Variants in ZNF831 observed in about 807,000 individuals in gnomAD.
ZNF831 encodes chromosome 20 open reading frame 174.
ZNF831 carries 59 observed loss-of-function variants against 95.8 expected under a neutral mutation model. The ratio of observed to expected loss-of-function variants is 0.62; its 90% CI spans 0.50 to 0.77. The LOEUF is 0.77. Ranked by LOEUF, ZNF831 falls within the 30% of genes least tolerant of loss-of-function variation. The pLI is 0.00. For synonymous variants in ZNF831, 961 were observed against 925.5 expected (o/e 1.04, Z -0.70); for missense variants, 2,205 against 2,164.0 (o/e 1.02, Z -0.38).
chr20:59,170,951 A>G (rs1054369074), intron 1 of ZNF831, among the ~76,000 whole-genome samples: 1 of 152,242 alleles, frequency 6.6e-6, no homozygotes, highest in Non-Finnish European at 1.5e-5. Flanking sequence ...GTCTGGCACT[A>G]GTGGGACAGA....
chr20:59,210,638 C>T lies in ZNF831; in HGVS notation c.4027+3582C>T, dbSNP rs554597340. 2.8e-4 allele frequency among the ~76,000 whole-genome samples: 43 copies of T among 152,296 alleles called. 1 individual carries two copies. The South Asian group carries it at 8.5e-3, about 30-fold the overall frequency. On this transcript the variant is annotated intron_variant, in intron 4 of 5. Transcript: ENST00000371030. ...TGAGCAGAGAGCCCAGAATGAAAAGCCCTTTCACCCCTTCTTCCCTTCAGC... is the reference window on the plus strand; with the variant it reads ...TGAGCAGAGAGCCCAGAATGAAAAGTCCTTTCACCCCTTCTTCCCTTCAGC...
chr20:59,158,202 AGCT>A (rs1276639574), intron 2 of ZNF831, among the ~76,000 whole-genome samples: 1 of 152,138 alleles, frequency 6.6e-6, no homozygotes, highest in Non-Finnish European at 1.5e-5. Flanking sequence ...GGCGACAGGG[AGCT>A]GCAGAAGGCG....
chr20:59,258,783 T>C lies in ZNF831; in HGVS notation c.*4040T>C, dbSNP rs1369432247. On this transcript the variant is annotated 3_prime_UTR_variant, in exon 6 of 6. Coordinates refer to ENST00000371030, the MANE Select transcript of ZNF831 (RefSeq NM_178457.3). ...GGGTCAGAACCTAGAAAATCTTATG[T>C]GCTGGATTTCTACCCTGTATGATTC... is the stretch of plus-strand genomic sequence containing the variant. 3 of 152,238 alleles carry C rather than the reference T, an allele frequency of 2.0e-5. No homozygotes were observed. The highest frequency in any genetic ancestry group is 2.9e-5 in the Non-Finnish European group (2 of 68,046). 9.4% of individuals were successfully genotyped at this position (152,238 alleles called of 1,614,324 possible).
intron 1 of ZNF831, among the ~76,000 whole-genome samples, chr20:59,185,650 G>A (rs542917165): frequency 6.0e-4 from 91 of 152,020 alleles, no homozygotes; most frequent in Non-Finnish European, 1.1e-3. Context: ...CGTGTGCCTC[G>A]TCCTCCTGCC....
At chr20:59,229,056 T>C (rs1336717721) in intron 4 of ZNF831, among the ~76,000 whole-genome samples, 1 of 152,200 alleles carries the variant, frequency 6.6e-6, no homozygotes, top group Non-Finnish European at 1.5e-5. Flanking sequence ...GAACATGTGA[T>C]GTTTTTCTTT....
intron 4 of ZNF831, among the ~76,000 whole-genome samples, chr20:59,224,375 G>A (rs1986300352): frequency 6.6e-6 from 1 of 151,774 alleles, no homozygotes; most frequent in African/African-American, 2.4e-5. Flanking sequence ...TGCACCCTAG[G>A]GCAGAAGAGC....
intron 2 of ZNF831, 61 bp downstream of exon 2, chr20:59,194,818 C>G: frequency 1.3e-6 from 2 of 1,485,858 alleles, no homozygotes; most frequent in Non-Finnish European, 1.8e-6. Context: ...TCCCGTAAGA[C>G]CTCTCATGAG....
chr20:59,225,541 C>G (rs146643964), intron 4 of ZNF831, among the ~76,000 whole-genome samples: 298 of 152,336 alleles, frequency 2.0e-3, no homozygotes, highest in African/African-American at 6.8e-3. Context: ...GGAAATGCCT[C>G]TTTATAGAAA....
chr20:59,153,245 T>C (rs936003800), intron 2 of ZNF831, among the ~76,000 whole-genome samples: 1 of 152,228 alleles, frequency 6.6e-6, no homozygotes, highest in African/African-American at 2.4e-5. Context: ...CCAGCCCGCA[T>C]GCTCTGTGTT....
intron 1 of ZNF831, among the ~76,000 whole-genome samples, chr20:59,175,780 A>T (rs184309195): frequency 7.1e-4 from 108 of 152,214 alleles, no homozygotes; most frequent in African/African-American, 2.5e-3. Flanking sequence ...TTTCAGTTTG[A>T]GGTCTTCTTG....
chr20:59,220,055 C>A (rs1029265331), intron 4 of ZNF831, among the ~76,000 whole-genome samples: 1 of 152,096 alleles, frequency 6.6e-6, no homozygotes, highest in Non-Finnish European at 1.5e-5. Context: ...ACCTTCAATC[C>A]CACACCTGAA....
At position 59,217,603 on chromosome 20, in the gene ZNF831, T is replaced by A. The variant is rs2146664941; in HGVS notation, c.4027+10547T>A. Among the ~76,000 whole-genome samples the A allele has an allele frequency of 6.6e-6, 1 of 152,342 alleles. No individual in the cohort carries two copies. The highest frequency in any genetic ancestry group is 1.9e-4 in the East Asian group (1 of 5,186). ...TTTTCCTCCAGTTTATAAAACTTTT[T>A]CTTCTTTTCCCCTTGGATGAGTAAA... On this transcript the variant is annotated intron_variant, in intron 4 of 5. Transcript: ENST00000371030. The surrounding 1 kb of genome is among the most constrained non-coding windows in gnomAD (Gnocchi z 4.4).
intron 1 of ZNF831, among the ~76,000 whole-genome samples, chr20:59,183,963 A>G (rs1319964584): frequency 1.3e-5 from 2 of 152,148 alleles, no homozygotes; most frequent in Non-Finnish European, 2.9e-5. Context: ...GTTTTGACAA[A>G]TGTATAGTGG....
At chr20:59,227,075 T>C (rs1218106191) in intron 4 of ZNF831, among the ~76,000 whole-genome samples, 1 of 152,198 alleles carries the variant, frequency 6.6e-6, no homozygotes, top group Non-Finnish European at 1.5e-5. Context: ...TCGCTTATAA[T>C]TGTATCCCAA....
chr20:59,186,403 T>A (rs1482927135), intron 1 of ZNF831, among the ~76,000 whole-genome samples: 1 of 152,054 alleles, frequency 6.6e-6, no homozygotes, highest in African/African-American at 2.4e-5. Context: ...TAGTTAATAG[T>A]TCAAAATATT....
intron 1 of ZNF831, among the ~76,000 whole-genome samples, chr20:59,168,857 C>T (rs999986678): frequency 4.6e-5 from 7 of 152,020 alleles, no homozygotes; most frequent in Non-Finnish European, 7.4e-5. Flanking sequence ...TGTGATTTTT[C>T]TTTTTACCCT....
At chr20:59,190,957 A>G in intron 1 of ZNF831, 27 bp from the exon 2 acceptor site, 2 of 1,458,576 alleles carry the variant, frequency 1.4e-6, no homozygotes, top group Non-Finnish European at 1.8e-6. Flanking sequence ...AGAGGTGCCC[A>G]TGGTAAAGTT....
At chr20:59,141,921 T>TCCCAGCA (rs533831143) in intron 1 of ZNF831, among the ~76,000 whole-genome samples, 200 of 152,312 alleles carry the variant, frequency 1.3e-3, no homozygotes, top group African/African-American at 4.5e-3. Context: ...GACCCTCGTC[T>TCCCAGCA]CCCAGCACCC....
chr20:59,243,225 T>C (rs1400709276), intron 4 of ZNF831, among the ~76,000 whole-genome samples: 2 of 152,268 alleles, frequency 1.3e-5, no homozygotes, highest in African/African-American at 4.8e-5. Context: ...TGGATTTTTT[T>C]CCCCCACTAA....
Sources: gnomAD v4.1 joint callset for allele counts (sites outside exome capture counted in the v4.1 genomes callset) on GRCh38, gnomAD v4.1.1 for gene constraint, Gnocchi (gnomAD v3.1) non-coding constraint, MANE v1.5 for transcripts, NCBI Gene and HGNC (gene_info 2026-07-23, HGNC 2026-07-21) for gene names.